CDK7: variants seen among roughly 807,000 people sequenced by gnomAD.
CDK7 encodes the protein cyclin dependent kinase 7.
CDK7 carries 25 observed loss-of-function variants against 49.1 expected under a neutral mutation model. The ratio of observed to expected loss-of-function variants is 0.51; its 90% CI spans 0.37 to 0.71. The LOEUF is 0.71. CDK7 is among the 30% of genes least tolerant of loss of function. The pLI is 0.00. For synonymous variants in CDK7, 107 were observed against 140.0 expected (o/e 0.76, Z 1.67); for missense variants, 316 against 411.7 (o/e 0.77, Z 2.01).
At position 69,234,919 on chromosome 5, in the gene CDK7, T is replaced by C; in HGVS notation, c.-57T>C. On this transcript the variant is annotated 5_prime_UTR_variant, in exon 1 of 12. Transcript: ENST00000256443. Reference sequence around the variant, plus strand: ...TTGGAGGCTTTAAGGTAGCTTTAAATTCGTGTTGTCCTGGGAGCTCGCCCT... The same window carrying C: ...TTGGAGGCTTTAAGGTAGCTTTAAACTCGTGTTGTCCTGGGAGCTCGCCCT... The C allele has an allele frequency of 2.6e-6, 4 of 1,523,430 alleles. No homozygotes were observed. The highest frequency in any genetic ancestry group is 3.6e-6 in the Non-Finnish European group (4 of 1,119,226). The allele number at this position is 1,523,430 out of a possible 1,614,324, so 94.4% of individuals were successfully genotyped here.
chr5:69,252,494 CTTTT>C (rs138764556), intron 3 of CDK7, 43 bp downstream of exon 3: 85,333 of 360,080 alleles, frequency 0.24, 7,729 homozygotes, highest in Admixed American at 0.28. Flanking sequence ...AAGTTTTCTC[CTTTT>C]TTTTTTTTTT....
chr5:69,256,646 C>A (rs1453551232), intron 5 of CDK7, among the ~76,000 whole-genome samples: 1 of 152,092 alleles, frequency 6.6e-6, no homozygotes, highest in Non-Finnish European at 1.5e-5. Context: ...CGGCCTCTTT[C>A]TTTTAGATAA....
At chr5:69,243,822 A>C (rs571944095) in intron 2 of CDK7, among the ~76,000 whole-genome samples, 10 of 105,834 alleles carry the variant, frequency 9.4e-5, no homozygotes, top group African/African-American at 3.5e-4. Context: ...CACCAATGAT[A>C]GTTGTTTTTT....
intron 7 of CDK7, among the ~76,000 whole-genome samples, chr5:69,260,882 A>C (rs1358652468): frequency 6.6e-6 from 1 of 152,304 alleles, no homozygotes; most frequent in South Asian, 2.1e-4. Context: ...CGGTTGTGCA[A>C]ACAGTACTCA....
In CDK7 at chr5:69,245,080, T is replaced by C. The variant is rs548785431; in HGVS notation, c.127-7338T>C. The stretch of plus-strand genomic sequence containing the variant: ...TTACGTATTGTTGAATTCAGTTTGC[T>C]AGTATTTTTTGAGGATTTTTACATG... On this transcript the variant is annotated intron_variant, in intron 2 of 11. Transcript: ENST00000256443. Among the ~76,000 whole-genome samples, 6 of 152,296 alleles carry C rather than the reference T, an allele frequency of 3.9e-5. No homozygotes were observed. In the East Asian group the frequency reaches 1.2e-3, roughly 29 times the overall value.
rs773508593 is a variant in CDK7, at chr5:69,235,048, C to T, written c.66+7C>T. 2.5e-6 allele frequency: 4 copies of T among 1,598,500 alleles called. No homozygotes were observed. The highest frequency in any genetic ancestry group is 3.5e-5 in the Admixed American group (2 of 57,414). ...CTTCCTTGGGGAGGGACAGGTGAGG[C>T]TCTCTGGAAGGACGGGGAGGGCCCC... is the stretch of plus-strand genomic sequence containing the variant. On this transcript the variant is annotated splice_region_variant and intron_variant, in intron 1 of 11. Transcript: ENST00000256443.
intron 1 of CDK7, 56 bp downstream of exon 1, chr5:69,235,097 C>CCACCTT: frequency 6.6e-7 from 1 of 1,516,112 alleles, no homozygotes; most frequent in African/African-American, 1.4e-5. Context: ...CGCGCCGCCT[C>CCACCTT]CACCTTTGCG....
In CDK7 at chr5:69,264,931, A is replaced by G. The variant is rs373951579; in HGVS notation, c.627+2627A>G. Among the ~76,000 whole-genome samples, 27 of 149,856 alleles carry G rather than the reference A, an allele frequency of 1.8e-4. 1 individual carries two copies. The South Asian group carries it at 5.7e-3, about 32-fold the overall frequency. On this transcript the variant is annotated intron_variant, in intron 8 of 11. Coordinates refer to ENST00000256443, the MANE Select transcript of CDK7 (RefSeq NM_001799.4). ...GTTGCAGTGAGCTGGAGATCACACC[A>G]TTGCACTCCAGCCTGGGCAACAAAT...
chr5:69,276,712 G>T (rs774840207), intron 11 of CDK7, 22 bp downstream of exon 11: 4 of 1,599,912 alleles, frequency 2.5e-6, no homozygotes, highest in Admixed American at 1.8e-5. Flanking sequence ...ACTTTTAAAA[G>T]AAATTAAATG....
intron 7 of CDK7, among the ~76,000 whole-genome samples, chr5:69,260,146 G>C (rs1462811674): frequency 6.6e-6 from 1 of 152,202 alleles, no homozygotes; most frequent in Non-Finnish European, 1.5e-5. Context: ...TCAGGAGTTT[G>C]AGACCAGCCT....
Position 69,276,697 on chromosome 5 carries a change from T to C in CDK7, c.1012+7T>C. The C allele has an allele frequency of 1.2e-6, 2 of 1,607,542 alleles. No individual in the cohort carries two copies. The highest frequency in any genetic ancestry group is 2.2e-5 in the South Asian group (2 of 89,956). On this transcript the variant is annotated splice_region_variant and intron_variant, in intron 11 of 11. Transcript: ENST00000256443. ...ACAGAGGCCTTAGAACAAGGTAAGA[T>C]TCCCACTTTTAAAAGAAATTAAATG...
At chr5:69,273,670 A>G (rs1365952256) in intron 10 of CDK7, among the ~76,000 whole-genome samples, 8 of 152,250 alleles carry the variant, frequency 5.3e-5, no homozygotes, top group African/African-American at 1.7e-4. Flanking sequence ...GCACTGTACA[A>G]CACAGTGCAG....
intron 8 of CDK7, among the ~76,000 whole-genome samples, chr5:69,264,732 A>C (rs180721948): frequency 2.6e-5 from 4 of 152,182 alleles, no homozygotes; most frequent in Non-Finnish European, 5.9e-5. Flanking sequence ...GCACTTTGGG[A>C]GGCCGAGGTG....
chr5:69,267,702 T>C (rs1016786800), intron 8 of CDK7, among the ~76,000 whole-genome samples: 1 of 152,150 alleles, frequency 6.6e-6, no homozygotes, highest in African/African-American at 2.4e-5. Flanking sequence ...TTCCTACTTT[T>C]TCTCATAAAT....
chr5:69,274,068 A>G (rs542247636), intron 10 of CDK7, among the ~76,000 whole-genome samples: 3 of 152,282 alleles, frequency 2.0e-5, no homozygotes, highest in Admixed American at 6.5e-5. Context: ...CTTTTCACTC[A>G]TACTTCTATG....
At chr5:69,251,153 A>C (rs1443116329) in intron 2 of CDK7, among the ~76,000 whole-genome samples, 2 of 147,630 alleles carry the variant, frequency 1.4e-5, no homozygotes, top group African/African-American at 5.0e-5. Context: ...GCTGGAGTGC[A>C]GTGGCACGAT....
In CDK7 at chr5:69,252,524, T is replaced by TAA. The variant is rs878962541; in HGVS notation, c.160+77_160+78dup. The TAA allele has an allele frequency of 1.2e-3, 672 of 539,676 alleles. 4 individuals are homozygous for TAA. The highest frequency in any genetic ancestry group is 5.5e-3 in the African/African-American group (148 of 26,864). The allele number at this position is 539,676 out of a possible 1,614,324, so 33.4% of individuals were successfully genotyped here. A position where few individuals can be genotyped will look rare whatever the true frequency, so the allele number is the denominator to read the frequency against. ...TTTTTTTTTTTTTTTTTTTTTTTTT[T>TAA]AAAAAGACAGGGTCTTGCTCTGTCA... On this transcript the variant is annotated intron_variant, in intron 3 of 11. Transcript: ENST00000256443.
chr5:69,238,536 C>A (rs1749156953), intron 2 of CDK7, among the ~76,000 whole-genome samples: 1 of 152,080 alleles, frequency 6.6e-6, no homozygotes, highest in Non-Finnish European at 1.5e-5. Flanking sequence ...AACCTTCCAC[C>A]TTAGCCTCCC....
At chr5:69,245,323 C>T (rs1749679098) in intron 2 of CDK7, among the ~76,000 whole-genome samples, 2 of 96,074 alleles carry the variant, frequency 2.1e-5, no homozygotes, top group South Asian at 4.8e-4. Context: ...CTCCCCTTCC[C>T]CTCCCTTACC....
Sources: gnomAD v4.1 joint callset for allele counts (sites outside exome capture counted in the v4.1 genomes callset) on GRCh38, gnomAD v4.1.1 for gene constraint, MANE v1.5 for transcripts, NCBI Gene and HGNC (gene_info 2026-07-23, HGNC 2026-07-21) for gene names.